Variants in CDH4 observed in about 807,000 individuals in gnomAD.
CDH4 encodes the protein cadherin 4.
CDH4 carries 33 observed loss-of-function variants against 86.0 expected under a neutral mutation model. The observed-to-expected ratio is 0.38, with a 90% CI of 0.29 to 0.51. The LOEUF (loss-of-function observed/expected upper bound fraction) is 0.51, where lower values mean the gene tolerates loss of function less well. Ranked by LOEUF, CDH4 falls within the 20% of genes least tolerant of loss-of-function variation. The pLI is 0.86. For synonymous variants in CDH4, 555 were observed against 549.4 expected (o/e 1.01, Z -0.14); for missense variants, 1,114 against 1,307.4 (o/e 0.85, Z 2.28).
intron 4 of CDH4, among the ~76,000 whole-genome samples, chr20:61,834,782 T>C (rs1281223184): frequency 6.6e-6 from 1 of 152,218 alleles, no homozygotes; most frequent in African/African-American, 2.4e-5. Context: ...GCTTTAGCTG[T>C]GTGGCTCTCT....
chr20:61,746,567 G>C (rs1240169895), intron 3 of CDH4, among the ~76,000 whole-genome samples: 4 of 152,230 alleles, frequency 2.6e-5, no homozygotes, highest in Non-Finnish European at 5.9e-5. Context: ...GTATGGCAGA[G>C]CCCGGCATGG....
chr20:61,805,021 C>T (rs985622783), intron 4 of CDH4, among the ~76,000 whole-genome samples: 9 of 152,370 alleles, frequency 5.9e-5, no homozygotes, highest in Admixed American at 3.9e-4. Context: ...CACAGAAGCC[C>T]CAGCGCCAGG....
At chr20:61,628,911 C>G (rs1260895214) in intron 2 of CDH4, among the ~76,000 whole-genome samples, 2 of 152,246 alleles carry the variant, frequency 1.3e-5, no homozygotes, top group Non-Finnish European at 2.9e-5. Context: ...AGGATGGTGT[C>G]TCACTTTCAT....
intron 2 of CDH4, among the ~76,000 whole-genome samples, chr20:61,436,194 T>C (rs369066051): frequency 1.6e-4 from 25 of 152,236 alleles, no homozygotes; most frequent in African/African-American, 5.8e-4. Context: ...ACCTTGCTCC[T>C]CTCTTAAGCA....
chr20:61,529,858 G>T (rs142316932), intron 2 of CDH4, among the ~76,000 whole-genome samples: 3,725 of 152,036 alleles, frequency 0.025, 146 homozygotes, highest in African/African-American at 0.085. Flanking sequence ...TTTTTTTTGA[G>T]ATGGAGTCTC....
chr20:61,870,302 G>A (rs774551184), intron 6 of CDH4, among the ~76,000 whole-genome samples: 2 of 152,212 alleles, frequency 1.3e-5, no homozygotes, highest in Non-Finnish European at 2.9e-5. Flanking sequence ...AGACCCTCGG[G>A]CCAGCTGGGC....
intron 2 of CDH4, among the ~76,000 whole-genome samples, chr20:61,460,921 C>G (rs1175384788): frequency 6.6e-6 from 1 of 152,184 alleles, no homozygotes; most frequent in Non-Finnish European, 1.5e-5. Flanking sequence ...AGCACGGGCT[C>G]TCTGCTTTGG....
chr20:61,767,571 C>T (rs1212417898), intron 3 of CDH4, among the ~76,000 whole-genome samples: 1 of 152,152 alleles, frequency 6.6e-6, no homozygotes, highest in Non-Finnish European at 1.5e-5. Flanking sequence ...TCCCCAGCAC[C>T]TGGCGGGTGA....
chr20:61,274,630 CGGTGTG>C (rs2084215385), intron 2 of CDH4, among the ~76,000 whole-genome samples: 1 of 100,924 alleles, frequency 9.9e-6, no homozygotes, highest in African/African-American at 3.6e-5. Flanking sequence ...TGGAGGAGTA[CGGTGTG>C]CAGTTTGCAG....
chr20:61,378,808 T>A (rs2084885120), intron 2 of CDH4, among the ~76,000 whole-genome samples: 1 of 152,220 alleles, frequency 6.6e-6, no homozygotes, highest in African/African-American at 2.4e-5. Context: ...ATTTCTAGAT[T>A]CACAGGGAAA....
intron 2 of CDH4, among the ~76,000 whole-genome samples, chr20:61,542,019 C>G (rs1370819391): frequency 6.6e-6 from 1 of 152,154 alleles, no homozygotes; most frequent in Non-Finnish European, 1.5e-5. Flanking sequence ...ATTTAACTGA[C>G]CTTGAGCCTG....
At chr20:61,529,138 G>C (rs2085934420) in intron 2 of CDH4, among the ~76,000 whole-genome samples, 1 of 152,194 alleles carries the variant, frequency 6.6e-6, no homozygotes, top group African/African-American at 2.4e-5. Flanking sequence ...GAGACCCAAA[G>C]CCACCTTTGT....
At chr20:61,387,842 C>G (rs2084960686) in intron 2 of CDH4, among the ~76,000 whole-genome samples, 1 of 152,198 alleles carries the variant, frequency 6.6e-6, no homozygotes, top group South Asian at 2.1e-4. Flanking sequence ...CTTCCCACTC[C>G]TTCCCGGCCC....
intron 2 of CDH4, among the ~76,000 whole-genome samples, chr20:61,366,676 T>C (rs1322324213): frequency 1.3e-5 from 2 of 152,270 alleles, no homozygotes; most frequent in Non-Finnish European, 2.9e-5. Flanking sequence ...AGATCGCTCA[T>C]GCAATTGTTT....
In CDH4 at chr20:61,508,830, C is replaced by T. The variant is rs143485259; in HGVS notation, c.170-234733C>T. 9.2e-5 allele frequency among the ~76,000 whole-genome samples: 14 copies of T among 152,314 alleles called. No homozygotes were observed. The East Asian group carries it at 2.1e-3, about 23-fold the overall frequency. On this transcript the variant is annotated intron_variant, in intron 2 of 15. Coordinates refer to ENST00000614565, the MANE Select transcript of CDH4 (RefSeq NM_001794.5). ...CTGGACAAAAATGATGCTAACTTCC[C>T]GCTTGGAGCCCAGAGGGCAAGGAGG...
At chr20:61,469,067 A>C (rs932590348) in intron 2 of CDH4, among the ~76,000 whole-genome samples, 2 of 152,176 alleles carry the variant, frequency 1.3e-5, no homozygotes, top group African/African-American at 2.4e-5. Flanking sequence ...GTATATACCT[A>C]GCAGTGGGAT....
chr20:61,499,843 C>T (rs1172735320), intron 2 of CDH4, among the ~76,000 whole-genome samples: 1 of 152,126 alleles, frequency 6.6e-6, no homozygotes, highest in South Asian at 2.1e-4. Flanking sequence ...TCCTGCACTC[C>T]CCCAGCCTGT....
rs571097808 is a variant in CDH4 at position 61,708,197 on chromosome 20, C to T, written c.170-35366C>T. On this transcript the variant is annotated intron_variant, in intron 2 of 15. Coordinates refer to ENST00000614565, the MANE Select transcript of CDH4 (RefSeq NM_001794.5). The surrounding 1 kb of genome is among the most constrained non-coding windows in gnomAD (Gnocchi z 4.5). ...CCTAGGAAGAAGGGCTGGTGCTGCC[C>T]GCAAGTGCCTGGACCTGCACACACA... is the stretch of plus-strand genomic sequence containing the variant. Among the ~76,000 whole-genome samples the T allele has an allele frequency of 3.2e-4, 48 of 152,232 alleles. No individual in the cohort carries two copies. In the Middle Eastern group the frequency reaches 0.01, roughly 32 times the overall value.
At chr20:61,597,154 A>G (rs916519024) in intron 2 of CDH4, among the ~76,000 whole-genome samples, 6 of 152,220 alleles carry the variant, frequency 3.9e-5, no homozygotes, top group African/African-American at 1.4e-4. Flanking sequence ...TGGTGCCCAC[A>G]TTCATAACAG....
Sources: allele counts gnomAD v4.1 joint callset (sites outside exome capture counted in the v4.1 genomes callset), GRCh38; gene constraint gnomAD v4.1.1; non-coding constraint Gnocchi (gnomAD v3.1); transcripts MANE v1.5; gene names NCBI Gene and HGNC (gene_info 2026-07-23, HGNC 2026-07-21).